The following BTD variants were observed in gnomAD, a reference collection of about 807,000 sequenced individuals.
BTD encodes the protein biotinidase.
In BTD, 13 loss-of-function variants were observed where a neutral mutation model predicts 17.7. The observed-to-expected ratio is 0.74, with a 90% CI of 0.48 to 1.17. The LOEUF is 1.17. BTD is among the 50% of genes most tolerant of loss of function. The probability of loss-of-function intolerance (pLI) is 0.00; values close to 1 mark genes in which losing one functional copy is unlikely to be tolerated. For synonymous variants in BTD, 240 were observed against 245.2 expected (o/e 0.98, Z 0.20); for missense variants, 674 against 650.4 (o/e 1.04, Z -0.39).
intron 1 of BTD, chr3:15,606,713 TG>T (rs2064465951): frequency 6.6e-6 from 1 of 152,246 alleles, no homozygotes; most frequent in African/African-American, 2.4e-5. Flanking sequence ...CAGTTCAGGA[TG>T]CAGTGTTCAA....
rs2065801042 is a variant in BTD at position 15,651,410 on chromosome 3, C to T, written c.*5922C>T. ...GCTGTGGGCAGGATGTAGGGGAACC[C>T]AGAAAGGATAATGCACTACCCAGCG... On this transcript the variant is annotated 3_prime_UTR_variant, in exon 4 of 4. Transcript: ENST00000643237. 6.6e-6 allele frequency among the ~76,000 whole-genome samples: 1 copy of T among 152,166 alleles called. No homozygotes were observed. The highest frequency in any genetic ancestry group is 2.4e-5 in the African/African-American group (1 of 41,430).
intron 4 of BTD, among the ~76,000 whole-genome samples, chr3:15,719,457 A>C (rs897923788): frequency 4.6e-5 from 7 of 152,232 alleles, no homozygotes; most frequent in African/African-American, 1.7e-4. Flanking sequence ...ACAACTAACG[A>C]ATTCTAAAAA....
upstream of BTD, chr3:15,601,406 T>C (rs763213816): frequency 1.9e-6 from 3 of 1,613,938 alleles, no homozygotes; most frequent in African/African-American, 4.0e-5. Flanking sequence ...GCCTGAGCGA[T>C]GACTTTAGCA....
At chr3:15,602,318 A>G (rs1339468994) in intron 1 of BTD, 3 of 1,098,442 alleles carry the variant, frequency 2.7e-6, no homozygotes, top group Non-Finnish European at 3.3e-6. Context: ...AAGGTAGTAT[A>G]GAGCACTGTT....
chr3:15,678,322 T>C (rs772429036), intron 3 of BTD: 1 of 1,611,264 alleles, frequency 6.2e-7, no homozygotes, highest in Non-Finnish European at 8.5e-7. Context: ...ACACTCTACA[T>C]GGTCTGTGAA....
intron 1 of BTD, among the ~76,000 whole-genome samples, chr3:15,631,682 C>G (rs1199632998): frequency 6.6e-6 from 1 of 152,180 alleles, no homozygotes; most frequent in East Asian, 1.9e-4. Context: ...GTAGGGCCGT[C>G]CAAGATCAGG....
Position 15,645,079 on chromosome 3 carries a change from T to A in BTD, c.1163T>A (p.Val388Asp). 6.2e-7 allele frequency: 1 copy of A among 1,614,216 alleles called. No homozygotes were observed. The highest frequency in any genetic ancestry group is 8.5e-7 in the Non-Finnish European group (1 of 1,180,038). The change falls in exon 4 of 4, where the codon GTC becomes GAC. Residue 388 changes from valine (V) to aspartate (D), a missense_variant. Physicochemically the swap from Val to Asp is radical, Grantham distance 152. Transcript: ENST00000643237. ...MMYDNFTLVPVWGKEGYLHVC... is the reference protein window; with the variant it reads ...MMYDNFTLVPDWGKEGYLHVC... ...TATGACAATTTCACCCTGGTCCCTG[T>A]CTGGGGAAAGGAAGGCTATCTCCAC...
chr3:15,629,954 T>C (rs1413976298), intron 1 of BTD: 11 of 667,622 alleles, frequency 1.6e-5, no homozygotes, highest in Non-Finnish European at 2.0e-5. Flanking sequence ...ACGGTTTATA[T>C]TGCATGTAAA....
chr3:15,682,519 C>T (rs1182861292), intron 3 of BTD, among the ~76,000 whole-genome samples: 1 of 152,088 alleles, frequency 6.6e-6, no homozygotes, highest in Non-Finnish European at 1.5e-5. Context: ...ATGTTTAGAG[C>T]TTCATAAAAA....
intron 1 of BTD, among the ~76,000 whole-genome samples, chr3:15,626,232 G>A (rs1396420796): frequency 6.6e-6 from 1 of 152,166 alleles, no homozygotes; most frequent in Non-Finnish European, 1.5e-5. Flanking sequence ...TTTGAGTGTG[G>A]TTGCATTAAA....
At chr3:15,672,437 C>A (rs2066474170) in intron 3 of BTD, among the ~76,000 whole-genome samples, 1 of 152,258 alleles carries the variant, frequency 6.6e-6, no homozygotes, top group East Asian at 1.9e-4. Context: ...CCACTGTGCC[C>A]AGCCACAAAA....
At chr3:15,641,737 C>T (rs1220018699) in intron 2 of BTD, among the ~76,000 whole-genome samples, 171 bp from the exon 3 acceptor site, 1 of 152,134 alleles carries the variant, frequency 6.6e-6, no homozygotes, top group Non-Finnish European at 1.5e-5. Context: ...GAGACAGTAT[C>T]CCCAAGACTA....
At chr3:15,625,427 T>G (rs1295788667) in intron 1 of BTD, among the ~76,000 whole-genome samples, 2 of 152,214 alleles carry the variant, frequency 1.3e-5, no homozygotes, top group African/African-American at 4.8e-5. Flanking sequence ...ATGGGAGGAT[T>G]TTTTTCTCCA....
intron 3 of BTD, chr3:15,686,528 C>T (rs909954978): frequency 5.4e-5 from 30 of 556,996 alleles, no homozygotes; most frequent in Admixed American, 2.8e-4. Context: ...ACAGGCAGAC[C>T]GCCTACCCAG....
chr3:15,681,450 A>G (rs2067537680), intron 3 of BTD, among the ~76,000 whole-genome samples: 1 of 152,218 alleles, frequency 6.6e-6, no homozygotes, highest in Non-Finnish European at 1.5e-5. Flanking sequence ...CTAATTCCAG[A>G]GCCAGGGTTT....
intron 3 of BTD, chr3:15,668,137 AAT>A (rs922023519): frequency 2.6e-5 from 4 of 152,200 alleles, no homozygotes; most frequent in Non-Finnish European, 5.9e-5. Flanking sequence ...TCAACAACTG[AAT>A]GGACTGCTTG....
chr3:15,670,414 G>A (rs761004655), intron 3 of BTD: 2 of 1,613,926 alleles, frequency 1.2e-6, no homozygotes, highest in Admixed American at 1.7e-5. Flanking sequence ...CTGTTTTTGA[G>A]GTGTTGGTAT....
At chr3:15,690,576 TTG>T (rs1168376139) in intron 3 of BTD, among the ~76,000 whole-genome samples, 4 of 152,118 alleles carry the variant, frequency 2.6e-5, no homozygotes, top group African/African-American at 9.7e-5. Context: ...TTTTTTTGTT[TTG>T]TTTTGAGACA....
intron 3 of BTD, chr3:15,709,664 C>T: frequency 3.8e-6 from 6 of 1,572,700 alleles, no homozygotes; most frequent in Non-Finnish European, 5.2e-6. Context: ...GTATCATACC[C>T]TACCTCCCAA....
Sources: allele counts gnomAD v4.1 joint callset (sites outside exome capture counted in the v4.1 genomes callset), GRCh38; gene constraint gnomAD v4.1.1; transcripts MANE v1.5; gene names NCBI Gene and HGNC (gene_info 2026-07-23, HGNC 2026-07-21).